EPHA4: variants seen among roughly 807,000 people sequenced by gnomAD.
EPHA4 encodes the protein EPH receptor A4.
In EPHA4, 19 loss-of-function variants were observed where a neutral mutation model predicts 108.3. The observed-to-expected ratio is 0.18, with a 90% confidence interval of 0.12 to 0.26. The LOEUF (loss-of-function observed/expected upper bound fraction) is 0.26, where lower values mean the gene tolerates loss of function less well. EPHA4 is among the 10% of genes least tolerant of loss of function. The pLI, the probability that EPHA4 is intolerant of heterozygous loss-of-function variation, is 1.00. For missense variants in EPHA4, 917 were observed against 1,254.0 expected (o/e 0.73, Z 4.06); for synonymous variants, 449 against 455.5 (o/e 0.99, Z 0.18).
Position 221,515,198 on chromosome 2 carries a change from C to T in EPHA4, c.824-14026G>A, listed in dbSNP as rs192214797. On this transcript the variant is annotated intron_variant, in intron 3 of 17. Transcript: ENST00000281821. ...GCAACCTCTGCCTCCTGGGTTCAAG[C>T]GATTCTCCTCCCTCAGCCTCCCAAG... Among the ~76,000 whole-genome samples the T allele has an allele frequency of 2.0e-3, 303 of 152,192 alleles. 2 individuals are homozygous for T. Among genetic ancestry groups the T allele is most frequent in the African/African-American group, 6.6e-3 (276 of 41,548 alleles).
chr2:221,493,611 T>C (rs1485528163), intron 4 of EPHA4, among the ~76,000 whole-genome samples: 1 of 152,206 alleles, frequency 6.6e-6, no homozygotes, highest in African/African-American at 2.4e-5. Flanking sequence ...TGCTCATCAT[T>C]TCATTATGGC....
intron 3 of EPHA4, among the ~76,000 whole-genome samples, chr2:221,516,166 C>G (rs1350004844): frequency 6.6e-6 from 1 of 152,096 alleles, no homozygotes; most frequent in Non-Finnish European, 1.5e-5. Flanking sequence ...GGCTGAAATA[C>G]AATGACTGAG....
At position 221,430,056 on chromosome 2, in the gene EPHA4, C is replaced by G; in HGVS notation, c.2592G>C (p.Glu864Asp). Residue 864 changes from glutamate (E) to aspartate (D), a missense_variant, in exon 15 of 18, where the codon GAG (glutamate) becomes GAC (aspartate). Physicochemically the swap from Glu to Asp is conservative, Grantham distance 45. This residue lies in a region of EPHA4 where 133 missense variants were observed against 132.8 expected (regional missense o/e 1.00). Transcript: ENST00000281821. ...GCCCAAATTTAGGCCTGTCGCTCCTCTCCTTCTGCCAGCAGTCTAGCATCA... is the reference window on the plus strand; with the variant it reads ...GCCCAAATTTAGGCCTGTCGCTCCTGTCCTTCTGCCAGCAGTCTAGCATCA... Reference protein sequence around the residue: ...HQLMLDCWQKERSDRPKFGQI... With the variant: ...HQLMLDCWQKDRSDRPKFGQI... 6.2e-7 allele frequency: 1 copy of G among 1,614,110 alleles called. No individual in the cohort carries two copies. Among genetic ancestry groups the G allele is most frequent in the East Asian group, 2.2e-5 (1 of 44,872 alleles).
chr2:221,542,119 G>A (rs1182729053), intron 3 of EPHA4, among the ~76,000 whole-genome samples: 1 of 152,184 alleles, frequency 6.6e-6, no homozygotes, highest in African/African-American at 2.4e-5. Context: ...CCAGAGGCCA[G>A]GGTAGGCAGG....
At chr2:221,539,499 C>T (rs1191853619) in intron 3 of EPHA4, among the ~76,000 whole-genome samples, 3 of 152,036 alleles carry the variant, frequency 2.0e-5, no homozygotes, top group Admixed American at 6.6e-5. Context: ...GTGGAATGTG[C>T]AAAATTGTGA....
intron 3 of EPHA4, among the ~76,000 whole-genome samples, chr2:221,543,300 T>C (rs563006781): frequency 2.2e-4 from 34 of 152,304 alleles, no homozygotes; most frequent in African/African-American, 7.9e-4. Flanking sequence ...TTAAAAATAA[T>C]GTTATGAAGT....
At chr2:221,442,513 G>T (rs909185149) in intron 11 of EPHA4, among the ~76,000 whole-genome samples, 6 of 152,124 alleles carry the variant, frequency 3.9e-5, no homozygotes, top group Non-Finnish European at 7.4e-5. Context: ...ATTTTATTTT[G>T]CTTACCATCT....
chr2:221,474,852 G>A (rs988156205), intron 5 of EPHA4, among the ~76,000 whole-genome samples: 1 of 152,084 alleles, frequency 6.6e-6, no homozygotes, highest in East Asian at 1.9e-4. Flanking sequence ...GAGAAGATAA[G>A]GCACAGGAGC....
chr2:221,525,948 T>C (rs975467166), intron 3 of EPHA4, among the ~76,000 whole-genome samples: 5 of 152,162 alleles, frequency 3.3e-5, no homozygotes, highest in East Asian at 3.8e-4. Context: ...ATAAAAAAAA[T>C]TGAGGTTTAG....
chr2:221,465,492 T>G (rs2106125062), intron 5 of EPHA4, among the ~76,000 whole-genome samples: 1 of 152,302 alleles, frequency 6.6e-6, no homozygotes, highest in South Asian at 2.1e-4. Flanking sequence ...AGGTGTTGGG[T>G]TGGCCTCTTT....
chr2:221,538,293 A>G (rs1321324715), intron 3 of EPHA4, among the ~76,000 whole-genome samples: 1 of 152,212 alleles, frequency 6.6e-6, no homozygotes, highest in East Asian at 1.9e-4. Context: ...ATGAATTCCA[A>G]TCTGGTGACA....
chr2:221,512,349 ACTGAAAATAT>A (rs1415813567), intron 3 of EPHA4, among the ~76,000 whole-genome samples: 1 of 152,272 alleles, frequency 6.6e-6, no homozygotes, highest in South Asian at 2.1e-4. Flanking sequence ...AATTAAAATT[ACTGAAAATAT>A]CTGAAAATAC....
At chr2:221,486,449 G>A (rs1407336892) in intron 4 of EPHA4, among the ~76,000 whole-genome samples, 1 of 151,962 alleles carries the variant, frequency 6.6e-6, no homozygotes, top group African/African-American at 2.4e-5. Flanking sequence ...TTGATGTCTT[G>A]GCCGGGCACA....
At chr2:221,537,576 C>G (rs1407242076) in intron 3 of EPHA4, among the ~76,000 whole-genome samples, 1 of 152,178 alleles carries the variant, frequency 6.6e-6, no homozygotes, top group East Asian at 1.9e-4. Context: ...GTGCTTGAAG[C>G]CAGGAGTTTA....
At chr2:221,529,477 G>A (rs926340782) in intron 3 of EPHA4, among the ~76,000 whole-genome samples, 3 of 152,308 alleles carry the variant, frequency 2.0e-5, no homozygotes, top group East Asian at 1.9e-4. Flanking sequence ...CAATGGAAAC[G>A]CCTAGCTTTT....
chr2:221,557,530 T>TG (rs1239524304), intron 3 of EPHA4, among the ~76,000 whole-genome samples: 4 of 152,334 alleles, frequency 2.6e-5, no homozygotes, highest in African/African-American at 9.6e-5. Flanking sequence ...AACGTGAACT[T>TG]GAGTTTAGGG....
At chr2:221,451,995 TAA>T (rs540410014) in intron 8 of EPHA4, among the ~76,000 whole-genome samples, 400 of 152,242 alleles carry the variant, frequency 2.6e-3, no homozygotes, top group African/African-American at 9.3e-3. Context: ...ACAATTGCTA[TAA>T]AAAAAATCTA....
At chr2:221,514,088 C>CGGG (rs200867792) in intron 3 of EPHA4, among the ~76,000 whole-genome samples, 25 of 118,218 alleles carry the variant, frequency 2.1e-4, no homozygotes, top group South Asian at 1.6e-3. Context: ...TCCTGTAAGC[C>CGGG]GGGGGGAGGG....
chr2:221,563,893 C>G lies in EPHA4; in HGVS notation c.661G>C (p.Ala221Pro), dbSNP rs1431649558. Residue 221 changes from alanine (A) to proline (P), a missense_variant, in exon 3 of 18, where the codon GCT (alanine) becomes CCT (proline). This residue lies in a region of EPHA4 where 758 missense variants were observed against 1,076.7 expected (regional missense o/e 0.70). Transcript: ENST00000281821. The part of the protein sequence containing the change: ...LAQFPDTITG[A>P]DTSSLVEVRG... ...ACTTCCACCAGGGAAGACGTATCAG[C>G]CCCTGTGATGGTGTCAGGAAACTGG... 6.2e-7 allele frequency: 1 copy of G among 1,614,222 alleles called. No individual in the cohort carries two copies. Among genetic ancestry groups the G allele is most frequent in the Non-Finnish European group, 8.5e-7 (1 of 1,180,052 alleles).
Sources: gnomAD v4.1 joint callset for allele counts (sites outside exome capture counted in the v4.1 genomes callset) on GRCh38, gnomAD v4.1.1 for gene constraint, gnomAD v4.1.1 regional missense constraint, MANE v1.5 for transcripts, NCBI Gene and HGNC (gene_info 2026-07-23, HGNC 2026-07-21) for gene names.